The following MARCHF1 variants were observed in gnomAD, a reference collection of about 807,000 sequenced individuals.
MARCHF1 encodes the protein E3 ubiquitin-protein ligase MARCHF1.
A neutral mutation model predicts 54.2 loss-of-function variants in MARCHF1; 40 were observed. The observed-to-expected ratio is 0.74, with a 90% confidence interval of 0.57 to 0.96. The LOEUF (loss-of-function observed/expected upper bound fraction) is 0.96, where lower values mean the gene tolerates loss of function less well. MARCHF1 is among the 40% of genes least tolerant of loss of function. MARCHF1 has a pLI of 0.00. For synonymous variants in MARCHF1, 236 were observed against 236.3 expected (o/e 1.00, Z 0.01); for missense variants, 586 against 656.5 (o/e 0.89, Z 1.17).
intron 7 of MARCHF1, among the ~76,000 whole-genome samples, chr4:163,600,184 A>G (rs919717554): frequency 6.6e-6 from 1 of 152,040 alleles, no homozygotes; most frequent in Admixed American, 6.6e-5. Flanking sequence ...AAATTTATAT[A>G]CATATATAAA....
At chr4:164,114,445 T>A (rs918624151) in intron 1 of MARCHF1, among the ~76,000 whole-genome samples, 5 of 151,874 alleles carry the variant, frequency 3.3e-5, no homozygotes, top group Admixed American at 3.3e-4. Context: ...CATTAATAAT[T>A]CAAAAATAAG....
intron 2 of MARCHF1, among the ~76,000 whole-genome samples, chr4:164,006,250 A>G: frequency 6.6e-6 from 1 of 152,202 alleles, no homozygotes; most frequent in East Asian, 1.9e-4. Flanking sequence ...TTTTTCAGAG[A>G]AATTTGACAA....
chr4:163,997,178 G>A (rs1165075163), intron 2 of MARCHF1, among the ~76,000 whole-genome samples: 18 of 152,000 alleles, frequency 1.2e-4, no homozygotes, highest in Non-Finnish European at 5.9e-5. Context: ...CAAAGCCTCA[G>A]AGTAGTCTGA....
At chr4:163,935,749 A>G (rs1278057828) in intron 3 of MARCHF1, among the ~76,000 whole-genome samples, 1 of 136,658 alleles carries the variant, frequency 7.3e-6, no homozygotes, top group Non-Finnish European at 1.5e-5. Context: ...TTTAGGGTAC[A>G]TGTGCACATT....
intron 4 of MARCHF1, among the ~76,000 whole-genome samples, chr4:163,820,007 T>C (rs1251149129): frequency 6.6e-6 from 1 of 152,104 alleles, no homozygotes; most frequent in African/African-American, 2.4e-5. Context: ...CCTAAATCAA[T>C]AATTTTTAAA....
At chr4:164,050,656 A>T (rs1239405173) in intron 2 of MARCHF1, among the ~76,000 whole-genome samples, 1 of 151,690 alleles carries the variant, frequency 6.6e-6, no homozygotes, top group Non-Finnish European at 1.5e-5. Context: ...AGACCTAGTG[A>T]ATTAAAATCT....
chr4:164,071,308 A>C (rs1314979103), intron 2 of MARCHF1, among the ~76,000 whole-genome samples: 1 of 152,210 alleles, frequency 6.6e-6, no homozygotes, highest in Non-Finnish European at 1.5e-5. Flanking sequence ...CAAACCTAAA[A>C]GAAACAGAAA....
At chr4:163,554,898 G>C (rs1393487180) in intron 8 of MARCHF1, among the ~76,000 whole-genome samples, 1 of 152,126 alleles carries the variant, frequency 6.6e-6, no homozygotes, top group Non-Finnish European at 1.5e-5. Context: ...ATATATATGA[G>C]CCCAATGTTA....
At chr4:164,112,654 A>G (rs966029609) in intron 1 of MARCHF1, among the ~76,000 whole-genome samples, 1 of 151,906 alleles carries the variant, frequency 6.6e-6, no homozygotes, top group African/African-American at 2.4e-5. Flanking sequence ...TAATAAGTTG[A>G]CATATAAAAG....
intron 1 of MARCHF1, among the ~76,000 whole-genome samples, chr4:164,322,178 T>C (rs1561001953): frequency 6.6e-6 from 1 of 152,078 alleles, no homozygotes; most frequent in African/African-American, 2.4e-5. Context: ...AATATATTAA[T>C]CATTTACTAA....
intron 3 of MARCHF1, among the ~76,000 whole-genome samples, chr4:163,985,497 T>G (rs949907427): frequency 2.6e-5 from 4 of 152,190 alleles, no homozygotes. Flanking sequence ...TTTTAAAATC[T>G]TAAAATATAA....
chr4:164,000,764 A>G (rs1039994220), intron 2 of MARCHF1, among the ~76,000 whole-genome samples: 5 of 151,656 alleles, frequency 3.3e-5, no homozygotes, highest in Admixed American at 6.6e-5. Flanking sequence ...TATTGTGAAT[A>G]TTTTACATAA....
chr4:164,087,472 A>G (rs926293161), intron 2 of MARCHF1, among the ~76,000 whole-genome samples: 2 of 152,164 alleles, frequency 1.3e-5, no homozygotes, highest in East Asian at 3.9e-4. Context: ...ACAGATAGAC[A>G]AAGTACAATA....
intron 1 of MARCHF1, among the ~76,000 whole-genome samples, chr4:164,193,853 G>A (rs531498702): frequency 3.9e-5 from 6 of 152,156 alleles, no homozygotes; most frequent in Non-Finnish European, 5.9e-5. Flanking sequence ...TAATAAACAA[G>A]CTGTCTCTAA....
chr4:164,176,980 C>CTCTCTCTCTATATA (rs1466683245), intron 1 of MARCHF1, among the ~76,000 whole-genome samples: 20 of 58,896 alleles, frequency 3.4e-4, no homozygotes, highest in African/African-American at 1.4e-3. Context: ...CTCTCTCTCT[C>CTCTCTCTCTATATA]TATATATATA....
At chr4:164,352,042 G>A (rs1324978788) in intron 1 of MARCHF1, among the ~76,000 whole-genome samples, 50 of 130,430 alleles carry the variant, frequency 3.8e-4, no homozygotes, top group African/African-American at 1.1e-3. Context: ...GAAATGAAGC[G>A]AGAAGGGAAG....
chr4:163,754,504 G>A (rs564039111), intron 4 of MARCHF1, among the ~76,000 whole-genome samples: 1 of 152,244 alleles, frequency 6.6e-6, no homozygotes, highest in Admixed American at 6.5e-5. Flanking sequence ...GAATAAATTA[G>A]TTATTACTGA....
At chr4:164,109,047 A>G (rs1755772134) in intron 2 of MARCHF1, among the ~76,000 whole-genome samples, 1 of 151,966 alleles carries the variant, frequency 6.6e-6, no homozygotes, top group Non-Finnish European at 1.5e-5. Context: ...TCCATTGAAA[A>G]CTGGACAATT....
intron 1 of MARCHF1, among the ~76,000 whole-genome samples, chr4:164,152,522 A>G (rs544227926): frequency 2.9e-3 from 439 of 152,278 alleles, no homozygotes; most frequent in Non-Finnish European, 5.2e-3. Context: ...GGAAAAAAAT[A>G]TTTAACCCCA....
Sources: gnomAD v4.1 joint callset for allele counts (sites outside exome capture counted in the v4.1 genomes callset) on GRCh38, gnomAD v4.1.1 for gene constraint, MANE v1.5 for transcripts, NCBI Gene and HGNC (gene_info 2026-07-23, HGNC 2026-07-21) for gene names.